Variants in RALGAPB observed in about 807,000 individuals in gnomAD.
RALGAPB encodes the protein ral GTPase-activating protein subunit beta.
Under a neutral mutation model 161.1 loss-of-function variants are expected in RALGAPB, and 25 were observed. The ratio of observed to expected loss-of-function variants is 0.16; its 90% CI spans 0.11 to 0.22. The LOEUF (loss-of-function observed/expected upper bound fraction) is 0.22. Ranked by LOEUF, RALGAPB falls within the 10% of genes least tolerant of loss-of-function variation. RALGAPB has a pLI of 1.00. For missense variants in RALGAPB, 1,391 were observed against 1,815.2 expected, an observed-to-expected ratio of 0.77 and a Z score of 4.25; for synonymous variants, 629 against 626.1, an observed-to-expected ratio of 1.00 and a Z score of -0.07.
chr20:38,515,925 A>G (rs2086110934), intron 6 of RALGAPB, among the ~76,000 whole-genome samples: 1 of 152,174 alleles, frequency 6.6e-6, no homozygotes, highest in African/African-American at 2.4e-5. Context: ...CATATTAGAA[A>G]AAGCATCTAT....
chr20:38,510,977 G>A (rs948567771), intron 6 of RALGAPB, among the ~76,000 whole-genome samples: 6 of 151,892 alleles, frequency 4.0e-5, no homozygotes, highest in East Asian at 1.9e-4. Flanking sequence ...TCACATAGTC[G>A]TTCAGAGACC....
chr20:38,524,758 T>A lies in RALGAPB; in HGVS notation c.1620-20T>A, dbSNP rs1268356300. On this transcript the variant is annotated intron_variant, in intron 10 of 29. Transcript: ENST00000262879. ...CTTTTGATCAGCAGTTTGTTTAAAATTTTTTTCTTGCTTTCCTAGATTTTA... is the reference window on the plus strand; with the variant it reads ...CTTTTGATCAGCAGTTTGTTTAAAAATTTTTTCTTGCTTTCCTAGATTTTA... 1.9e-6 allele frequency: 3 copies of A among 1,564,316 alleles called. No homozygotes were observed. Among genetic ancestry groups the A allele is most frequent in the Middle Eastern group, 1.7e-4 (1 of 5,962 alleles).
At chr20:38,560,807 G>A (rs867631626) in intron 23 of RALGAPB, among the ~76,000 whole-genome samples, 9 of 152,182 alleles carry the variant, frequency 5.9e-5, no homozygotes, top group African/African-American at 1.9e-4. Context: ...TTCCCTAGCC[G>A]TAGGGTAGAT....
intron 11 of RALGAPB, 140 bp downstream of exon 11, chr20:38,525,085 T>C: frequency 1.1e-6 from 1 of 871,700 alleles, no homozygotes; most frequent in Non-Finnish European, 1.8e-6. Context: ...ATGAGTGTAG[T>C]GTGTCCAAAC....
rs759661734 is a variant in RALGAPB at position 38,497,510 on chromosome 20, G to A, written c.547G>A (p.Val183Ile). The change falls in exon 4 of 30, where the codon GTT (valine) becomes ATT (isoleucine). Residue 183 changes from valine to isoleucine, a missense_variant. Physicochemically the swap from Val to Ile is conservative, Grantham distance 29. Transcript: ENST00000262879. ...INDILLAPPT[V>I]QGGIAENLAE... ...CGACATACTTCTGGCCCCACCAACT[G>A]TTCAAGGTTTGTTTATTTTTTTTTT... The A allele has an allele frequency of 6.3e-6, 10 of 1,591,500 alleles. No homozygotes were observed. The Admixed American group carries it at 1.1e-4, about 18-fold the overall frequency.
At chr20:38,529,902 T>C (rs2086599289) in intron 13 of RALGAPB, among the ~76,000 whole-genome samples, 1 of 152,148 alleles carries the variant, frequency 6.6e-6, no homozygotes, top group Non-Finnish European at 1.5e-5. Flanking sequence ...ATTGATACCA[T>C]AAATTGTCTG....
intron 19 of RALGAPB, chr20:38,548,135 G>A (rs2087236549): frequency 2.6e-5 from 4 of 152,150 alleles, no homozygotes; most frequent in Admixed American, 6.5e-5. Context: ...CACTCGGGAA[G>A]TCCATCCTGA....
intron 25 of RALGAPB, among the ~76,000 whole-genome samples, chr20:38,566,405 T>C (rs2088001209): frequency 6.6e-6 from 1 of 152,216 alleles, no homozygotes; most frequent in Non-Finnish European, 1.5e-5. Context: ...CTGCCTGGTT[T>C]CTCTGGCCCA....
At position 38,545,512 on chromosome 20, in the gene RALGAPB, A is replaced by G. The variant is rs117902973; in HGVS notation, c.2715-731A>G. Among the ~76,000 whole-genome samples the G allele has an allele frequency of 1.2e-4, 19 of 152,316 alleles. No individual in the cohort carries two copies. The East Asian group carries it at 3.7e-3, about 29-fold the overall frequency. On this transcript the variant is annotated intron_variant, in intron 18 of 29. Transcript: ENST00000262879. ...CCTTCATATGCATCTCAATGGGAAG[A>G]CCAGTATTCTACAGCACCACATTTG...
intron 6 of RALGAPB, among the ~76,000 whole-genome samples, chr20:38,511,344 T>C (rs900600791): frequency 5.3e-5 from 8 of 151,842 alleles, no homozygotes; most frequent in Non-Finnish European, 1.0e-4. Flanking sequence ...TTAATTTTTT[T>C]AGTATTTATT....
intron 22 of RALGAPB, among the ~76,000 whole-genome samples, chr20:38,556,503 A>G (rs1002226847): frequency 1.3e-5 from 2 of 152,168 alleles, no homozygotes; most frequent in African/African-American, 4.8e-5. Context: ...TAAGGTTGCC[A>G]TACAAAAAAG....
intron 1 of RALGAPB, among the ~76,000 whole-genome samples, chr20:38,487,705 A>C (rs73292707): frequency 0.038 from 5,810 of 152,272 alleles, 175 homozygotes; most frequent in African/African-American, 0.088. Context: ...CTTGCAGGAA[A>C]ATCTAGGAGA....
rs138981813 is a variant in RALGAPB at position 38,529,613 on chromosome 20, A to C, written c.2051-1554A>C. Among the ~76,000 whole-genome samples the C allele has an allele frequency of 8.9e-3, 1,351 of 152,088 alleles. 21 individuals are homozygous for C. Among genetic ancestry groups the C allele is most frequent in the African/African-American group, 0.031 (1,272 of 41,484 alleles). On this transcript the variant is annotated intron_variant, in intron 13 of 29. Transcript: ENST00000262879. ...TTTGGGAGGCCGAGGTGGGTGGATC[A>C]CGAGGTGAGGAGTTCAAGACCAGCC...
chr20:38,513,115 A>G (rs1021132765), intron 6 of RALGAPB, among the ~76,000 whole-genome samples: 1 of 152,072 alleles, frequency 6.6e-6, no homozygotes, highest in Non-Finnish European at 1.5e-5. Context: ...CGCCTATAAT[A>G]ATAGCACTTT....
At position 38,488,211 on chromosome 20, in the gene RALGAPB, C is replaced by G. The variant is rs112565207; in HGVS notation, c.-30-192C>G. ...CCATCTAATTAAAACAAGTATTATC[C>G]ATAACATTTATTTCATGACCCATAG... On this transcript the variant is annotated intron_variant, in intron 1 of 29. Coordinates refer to ENST00000262879, the MANE Select transcript of RALGAPB (RefSeq NM_020336.4). 7.7e-3 allele frequency among the ~76,000 whole-genome samples: 1,172 copies of G among 152,204 alleles called. 20 individuals are homozygous for G. The highest frequency in any genetic ancestry group is 0.026 in the African/African-American group (1,067 of 41,522).
intron 5 of RALGAPB, among the ~76,000 whole-genome samples, chr20:38,502,666 ACCTCTGCCTCATTGCAG>A (rs1238847752): frequency 2.0e-5 from 3 of 152,140 alleles, no homozygotes; most frequent in African/African-American, 7.2e-5. Context: ...GCTCACTGCA[ACCTCTGCCTCATTGCAG>A]CCTCTGCCTC....
Position 38,517,530 on chromosome 20 carries a change from G to A in RALGAPB, c.1076G>A (p.Ser359Asn). The change falls in exon 8 of 30, where the codon AGT becomes AAT. Residue 359 changes from serine (S) to asparagine (N), a missense_variant. Coordinates refer to ENST00000262879, the MANE Select transcript of RALGAPB (RefSeq NM_020336.4). ...GGTATTTCTAGACCCCGATCAGACA[G>A]TGCTCCCCCAACACCCGTGAATAGA... ...FLGISRPRSD[S>N]APPTPVNRLS... The A allele has an allele frequency of 6.2e-7, 1 of 1,600,756 alleles. No homozygotes were observed. The highest frequency in any genetic ancestry group is 8.5e-7 in the Non-Finnish European group (1 of 1,175,574).
At chr20:38,525,854 C>A (rs1283468892) in intron 12 of RALGAPB, 41 bp from the exon 13 acceptor site, 1 of 1,597,918 alleles carries the variant, frequency 6.3e-7, no homozygotes, top group African/African-American at 1.3e-5. Flanking sequence ...GCATCATAAG[C>A]TGCAACAGCT....
intron 21 of RALGAPB, 47 bp from the exon 22 acceptor site, chr20:38,553,820 C>T (rs757829709): frequency 4.4e-6 from 3 of 684,974 alleles, no homozygotes; most frequent in Non-Finnish European, 7.6e-6. Flanking sequence ...ATTGGCCTTA[C>T]TAGTTTGATA....
Sources: allele counts gnomAD v4.1 joint callset (sites outside exome capture counted in the v4.1 genomes callset), GRCh38; gene constraint gnomAD v4.1.1; transcripts MANE v1.5; gene names NCBI Gene and HGNC (gene_info 2026-07-23, HGNC 2026-07-21).